PDE11A: variants seen among roughly 807,000 people sequenced by gnomAD.
The protein encoded by PDE11A is dual 3',5'-cyclic-AMP and -GMP phosphodiesterase 11A.
In PDE11A, 100 loss-of-function variants were observed where a neutral mutation model predicts 100.5. The ratio of observed to expected loss-of-function variants is 1.00; its 90% confidence interval spans 0.85 to 1.18. The LOEUF (loss-of-function observed/expected upper bound fraction) is 1.18, where lower values mean the gene tolerates loss of function less well. Ranked by LOEUF, PDE11A falls within the 50% of genes most tolerant of loss-of-function variation. The pLI, the probability that PDE11A is intolerant of heterozygous loss-of-function variation, is 0.00. For missense variants in PDE11A, 1,141 were observed against 1,152.6 expected (o/e 0.99, Z 0.15); for synonymous variants, 381 against 420.8 (o/e 0.91, Z 1.16).
chr2:178,107,197 G>A (rs1221183462), intron 1 of PDE11A, among the ~76,000 whole-genome samples: 1 of 151,796 alleles, frequency 6.6e-6, no homozygotes. Flanking sequence ...GACGAATACT[G>A]CCAGTGCAAA....
chr2:177,762,216 T>A (rs1369897763), intron 10 of PDE11A, among the ~76,000 whole-genome samples: 1 of 151,996 alleles, frequency 6.6e-6, no homozygotes, highest in Non-Finnish European at 1.5e-5. Context: ...CAACTGGAGA[T>A]TGAGGGCTAC....
intron 10 of PDE11A, among the ~76,000 whole-genome samples, chr2:177,730,721 C>A (rs1283599376): frequency 6.6e-6 from 1 of 152,054 alleles, no homozygotes; most frequent in Non-Finnish European, 1.5e-5. Context: ...CTCTTACCTG[C>A]CTGAGGATGT....
chr2:177,964,011 T>C (rs1278446659), intron 2 of PDE11A, among the ~76,000 whole-genome samples: 1 of 152,240 alleles, frequency 6.6e-6, no homozygotes, highest in Non-Finnish European at 1.5e-5. Context: ...ATGCCTGGTA[T>C]AGAGAAGATC....
At chr2:178,106,358 A>T (rs2087617819) in intron 1 of PDE11A, among the ~76,000 whole-genome samples, 1 of 152,214 alleles carries the variant, frequency 6.6e-6, no homozygotes, top group South Asian at 2.1e-4. Flanking sequence ...TAAGCTATTA[A>T]CCAATAGTTC....
At chr2:177,758,248 G>A (rs2082120120) in intron 10 of PDE11A, among the ~76,000 whole-genome samples, 2 of 139,418 alleles carry the variant, frequency 1.4e-5, no homozygotes, top group South Asian at 4.6e-4. Context: ...AGTGAGCCGA[G>A]ATGGCGCCAT....
At chr2:177,684,305 G>T (rs1202669677) in intron 15 of PDE11A, among the ~76,000 whole-genome samples, 1 of 152,108 alleles carries the variant, frequency 6.6e-6, no homozygotes, top group Non-Finnish European at 1.5e-5. Flanking sequence ...ATAATATTGG[G>T]ACTAGAGTGA....
chr2:177,876,592 G>A (rs1264379085), intron 4 of PDE11A, among the ~76,000 whole-genome samples: 1 of 148,290 alleles, frequency 6.7e-6, no homozygotes, highest in Non-Finnish European at 1.5e-5. Context: ...CTGTAAACCA[G>A]GCCCTACAGC....
chr2:177,908,760 C>A (rs1479949969), intron 2 of PDE11A, among the ~76,000 whole-genome samples: 1 of 152,212 alleles, frequency 6.6e-6, no homozygotes, highest in African/African-American at 2.4e-5. Flanking sequence ...GGGAACACTG[C>A]AGTGTCCCCG....
At chr2:177,833,285 A>G (rs1044984074) in intron 6 of PDE11A, among the ~76,000 whole-genome samples, 4 of 152,194 alleles carry the variant, frequency 2.6e-5, no homozygotes, top group African/African-American at 9.7e-5. Context: ...AGTTTATAAG[A>G]TATTTATGTA....
intron 9 of PDE11A, among the ~76,000 whole-genome samples, chr2:177,798,439 G>C (rs1416179825): frequency 6.6e-6 from 1 of 152,156 alleles, no homozygotes; most frequent in Non-Finnish European, 1.5e-5. Flanking sequence ...GCACATAATA[G>C]GTGATCCATT....
At chr2:177,885,828 A>C (rs961161850) in intron 4 of PDE11A, among the ~76,000 whole-genome samples, 1 of 152,154 alleles carries the variant, frequency 6.6e-6, no homozygotes, top group African/African-American at 2.4e-5. Context: ...AGGACCAAGG[A>C]GCTAAGGAGG....
intron 1 of PDE11A, chr2:178,105,762 T>G: frequency 9.2e-7 from 1 of 1,082,024 alleles, no homozygotes; most frequent in Non-Finnish European, 1.2e-6. Flanking sequence ...TCTGAGCCCC[T>G]GGGCCAGATC....
intron 15 of PDE11A, among the ~76,000 whole-genome samples, chr2:177,692,319 C>A (rs2081051702): frequency 6.6e-6 from 1 of 152,302 alleles, no homozygotes; most frequent in African/African-American, 2.4e-5. Context: ...AATTTTAGAT[C>A]TCTCTGCCCA....
At chr2:177,899,287 G>A (rs975855370) in intron 3 of PDE11A, among the ~76,000 whole-genome samples, 6 of 152,056 alleles carry the variant, frequency 3.9e-5, no homozygotes, top group Non-Finnish European at 7.4e-5. Flanking sequence ...GCATGTTCCC[G>A]TAGTCCCAGC....
At position 177,629,155 on chromosome 2, in the gene PDE11A, T is replaced by A. The variant is rs185883905; in HGVS notation, c.*252A>T. 562 of 525,472 alleles carry A rather than the reference T, an allele frequency of 1.1e-3. 1 individual carries two copies. The highest frequency in any genetic ancestry group is 9.6e-3 in the Admixed American group (305 of 31,628). The allele number at this position is 525,472 out of a possible 1,614,324, so 32.6% of individuals were successfully genotyped here. A position where few individuals can be genotyped will look rare whatever the true frequency, so the allele number is the denominator to read the frequency against. ...ACAGTCCCCTACCCAGAGCCTTCAT[T>A]TCAGCCCATGCGTGTTCATTAGGGA... On this transcript the variant is annotated 3_prime_UTR_variant, in exon 20 of 20. Coordinates refer to ENST00000286063, the MANE Select transcript of PDE11A (RefSeq NM_016953.4).
At chr2:177,815,337 G>A (rs971961676) in intron 9 of PDE11A, among the ~76,000 whole-genome samples, 2 of 152,164 alleles carry the variant, frequency 1.3e-5, no homozygotes, top group African/African-American at 4.8e-5. Flanking sequence ...ATTGAGGTAA[G>A]TGACAGATCC....
intron 1 of PDE11A, among the ~76,000 whole-genome samples, chr2:178,041,515 T>G (rs961763476): frequency 1.3e-5 from 2 of 151,976 alleles, no homozygotes; most frequent in Admixed American, 6.6e-5. Context: ...GCTGGGATTA[T>G]AGGTGTGAGC....
intron 5 of PDE11A, among the ~76,000 whole-genome samples, chr2:177,853,639 T>C (rs182267941): frequency 0.023 from 159 of 7,034 alleles, no homozygotes; most frequent in Admixed American, 0.034. Context: ...GTCCTGCATA[T>C]ATATATATAT....
At chr2:178,086,043 T>C (rs751460079) in intron 2 of PDE11A, among the ~76,000 whole-genome samples, 4 of 152,210 alleles carry the variant, frequency 2.6e-5, no homozygotes, top group African/African-American at 4.8e-5. Context: ...TCACTCTGTC[T>C]GGGCTCAGCT....
Sources: allele counts gnomAD v4.1 joint callset (sites outside exome capture counted in the v4.1 genomes callset), GRCh38; gene constraint gnomAD v4.1.1; transcripts MANE v1.5; gene names NCBI Gene and HGNC (gene_info 2026-07-23, HGNC 2026-07-21).